The following NXPE2 variants were observed in gnomAD, a reference collection of about 807,000 sequenced individuals.
NXPE2 encodes NXPE family member 2.
NXPE2 carries 34 observed loss-of-function variants against 34.4 expected under a neutral mutation model. The observed-to-expected ratio is 0.99, with a 90% CI of 0.75 to 1.31. The LOEUF is 1.31. Ranked by LOEUF, NXPE2 falls within the 40% of genes most tolerant of loss-of-function variation. NXPE2 has a pLI of 0.00. For synonymous variants in NXPE2, 235 were observed against 231.3 expected (o/e 1.02, Z -0.15); for missense variants, 649 against 672.5 (o/e 0.97, Z 0.39).
chr11:114,625,489 C>T, the NXPE2 span, among the ~76,000 whole-genome samples: 1 of 152,138 alleles, frequency 6.6e-6, no homozygotes, highest in Non-Finnish European at 1.5e-5. Context: ...ATATGTATGG[C>T]CTCGTGGGTA....
chr11:114,747,596 C>T, the NXPE2 span, among the ~76,000 whole-genome samples: 21 of 152,290 alleles, frequency 1.4e-4, no homozygotes, highest in East Asian at 3.7e-3. Context: ...AAGCAAGACA[C>T]ATCTTACACA....
rs35515592 is a variant in NXPE2 at position 114,683,425 on chromosome 11, G to GTTT, written c.132+3675_132+3677dup. On this transcript the variant is annotated intron_variant, in intron 2 of 5. Transcript: ENST00000389586. ...ATATAGTAACCTTTATAGAGTCAAA[G>GTTT]TTTTTTTTTTTTTTGAGATGGAGTC... Among the ~76,000 whole-genome samples, 138 of 144,598 alleles carry GTTT rather than the reference G, an allele frequency of 9.5e-4. 2 individuals carry two copies. The highest frequency in any genetic ancestry group is 1.7e-3 in the African/African-American group (65 of 39,256). 94.9% of individuals were successfully genotyped at this position (144,598 alleles called of 152,430 possible). A position where few individuals can be genotyped will look rare whatever the true frequency, so the allele number is the denominator to read the frequency against.
chr11:114,639,373 C>A, the NXPE2 span, among the ~76,000 whole-genome samples: 1 of 152,056 alleles, frequency 6.6e-6, no homozygotes, highest in African/African-American at 2.4e-5. Flanking sequence ...CGTCTGTTAC[C>A]CCTTTCTTTG....
chr11:114,783,020 G>C, the NXPE2 span, among the ~76,000 whole-genome samples: 2 of 152,186 alleles, frequency 1.3e-5, no homozygotes, highest in African/African-American at 2.4e-5. Context: ...AATCTCACCA[G>C]AGATTGCAAT....
At chr11:114,589,493 C>T in the NXPE2 span, among the ~76,000 whole-genome samples, 1 of 152,058 alleles carries the variant, frequency 6.6e-6, no homozygotes, top group Non-Finnish European at 1.5e-5. Context: ...GTTGGGGGGA[C>T]ATATTATTTA....
At chr11:114,591,901 G>C in the NXPE2 span, among the ~76,000 whole-genome samples, 9 of 152,100 alleles carry the variant, frequency 5.9e-5, no homozygotes, top group South Asian at 2.1e-4. Context: ...AAGTCCATTT[G>C]TCAGGTGGCC....
chr11:114,479,716 G>A, the NXPE2 span, among the ~76,000 whole-genome samples: 1 of 152,128 alleles, frequency 6.6e-6, no homozygotes, highest in African/African-American at 2.4e-5. Flanking sequence ...AGATTTGAGA[G>A]TGGACAGCTG....
chr11:114,542,090 T>C, the NXPE2 span, among the ~76,000 whole-genome samples: 2 of 152,204 alleles, frequency 1.3e-5, no homozygotes, highest in Non-Finnish European at 2.9e-5. Context: ...TTTGCTAGGG[T>C]CATTCACATT....
the NXPE2 span, among the ~76,000 whole-genome samples, chr11:114,508,748 T>A: frequency 6.6e-6 from 1 of 152,212 alleles, no homozygotes; most frequent in Non-Finnish European, 1.5e-5. Context: ...TGTCTCAAGA[T>A]GGATTAAAAA....
the NXPE2 span, among the ~76,000 whole-genome samples, chr11:114,731,237 G>A: frequency 3.3e-5 from 5 of 152,238 alleles, no homozygotes; most frequent in South Asian, 2.1e-4. Context: ...AAATGCTGGT[G>A]AGGATGTAAA....
chr11:114,624,089 T>G, the NXPE2 span, among the ~76,000 whole-genome samples: 2 of 152,052 alleles, frequency 1.3e-5, no homozygotes, highest in South Asian at 4.2e-4. Context: ...TGTTACCCTC[T>G]GGATAATAGG....
the NXPE2 span, among the ~76,000 whole-genome samples, chr11:114,515,636 C>T: frequency 3.3e-5 from 5 of 152,102 alleles, no homozygotes; most frequent in African/African-American, 1.2e-4. Context: ...GCCTAGCATT[C>T]GATCTATTTT....
At chr11:114,802,710 A>G in the NXPE2 span, among the ~76,000 whole-genome samples, 3 of 152,024 alleles carry the variant, frequency 2.0e-5, no homozygotes, top group Non-Finnish European at 4.4e-5. Flanking sequence ...CCTAATTGTA[A>G]ACTTGATGTG....
chr11:114,546,101 G>A, the NXPE2 span, among the ~76,000 whole-genome samples: 1 of 152,190 alleles, frequency 6.6e-6, no homozygotes, highest in Middle Eastern at 3.2e-3. Context: ...ACAAATGTAT[G>A]ACATAACCTT....
At chr11:114,618,822 G>A in the NXPE2 span, among the ~76,000 whole-genome samples, 2 of 152,016 alleles carry the variant, frequency 1.3e-5, no homozygotes, top group Non-Finnish European at 1.5e-5. Context: ...TGGATAGTAA[G>A]TATTGCCTCG....
At chr11:114,716,395 C>T in the NXPE2 span, among the ~76,000 whole-genome samples, 110 of 152,266 alleles carry the variant, frequency 7.2e-4, no homozygotes, top group African/African-American at 2.6e-3. Flanking sequence ...TTAATTACCC[C>T]AGGAAGAGGG....
chr11:114,649,830 A>AT, the NXPE2 span, among the ~76,000 whole-genome samples: 1 of 152,190 alleles, frequency 6.6e-6, no homozygotes, highest in Admixed American at 6.5e-5. Context: ...CCATGTTCAA[A>AT]TATGTACTTG....
chr11:114,538,917 A>G, the NXPE2 span, among the ~76,000 whole-genome samples: 1 of 152,302 alleles, frequency 6.6e-6, no homozygotes, highest in East Asian at 1.9e-4. Context: ...CATTTGACCC[A>G]GCCATCCCAT....
the NXPE2 span, among the ~76,000 whole-genome samples, chr11:114,790,513 T>A: frequency 6.6e-6 from 1 of 152,140 alleles, no homozygotes; most frequent in Non-Finnish European, 1.5e-5. Flanking sequence ...ATACTCCCAA[T>A]CACGAGGTTT....
Sources: gnomAD v4.1 joint callset for allele counts (sites outside exome capture counted in the v4.1 genomes callset) on GRCh38, gnomAD v4.1.1 for gene constraint, MANE v1.5 for transcripts, NCBI Gene and HGNC (gene_info 2026-07-23, HGNC 2026-07-21) for gene names.